The following SPMAP2 variants were observed in gnomAD, a reference collection of about 807,000 sequenced individuals.
The protein encoded by SPMAP2 is sperm microtubule associated protein 2.
chr19:368,733 T>A, the SPMAP2 span, among the ~76,000 whole-genome samples: 1 of 152,148 alleles, frequency 6.6e-6, no homozygotes, highest in Admixed American at 6.5e-5. The surrounding 1 kb of genome is among the most constrained non-coding windows in gnomAD (Gnocchi z 4.1). Flanking sequence ...CACAGACACA[T>A]CTCTCAGCAA....
chr19:362,157 A>G, the SPMAP2 span: 1 of 1,368,662 alleles, frequency 7.3e-7, no homozygotes, highest in Non-Finnish European at 9.6e-7. Context: ...AATCACATAC[A>G]CAGGGTTAGG....
At chr19:372,847 G>C in the SPMAP2 span, 1 of 731,036 alleles carries the variant, frequency 1.4e-6, no homozygotes, top group Non-Finnish European at 2.4e-6. Context: ...CTGGGGGCCA[G>C]ACACCCTGCA....
the SPMAP2 span, chr19:375,892 C>T: frequency 1.0e-4 from 155 of 1,536,254 alleles, no homozygotes; most frequent in Middle Eastern, 1.7e-4. Context: ...CGGGGGTCGC[C>T]GTCCTGCTCC....
At chr19:369,987 G>A in the SPMAP2 span, among the ~76,000 whole-genome samples, 1 of 152,190 alleles carries the variant, frequency 6.6e-6, no homozygotes, top group South Asian at 2.1e-4. Flanking sequence ...GGGCTCAGAG[G>A]CCTGACAACA....
At chr19:362,870 T>G in the SPMAP2 span, among the ~76,000 whole-genome samples, 1 of 146,846 alleles carries the variant, frequency 6.8e-6, no homozygotes, top group Non-Finnish European at 1.5e-5. Context: ...GGAATATGAC[T>G]CAGCCAAGAA....
chr19:362,059 G>T, the SPMAP2 span: 1 of 523,242 alleles, frequency 1.9e-6, no homozygotes, highest in Non-Finnish European at 3.2e-6. Context: ...GTCGCAGGTT[G>T]GATGCAAAAA....
the SPMAP2 span, among the ~76,000 whole-genome samples, chr19:363,989 C>A: frequency 6.8e-4 from 103 of 152,224 alleles, no homozygotes; most frequent in African/African-American, 2.4e-3. Context: ...GTCATATGCA[C>A]TGCCACATCG....
chr19:362,575 C>A, the SPMAP2 span: 3 of 554,188 alleles, frequency 5.4e-6, no homozygotes, highest in Non-Finnish European at 9.3e-6. Flanking sequence ...AGAGATCAGC[C>A]TGGCCAACAT....
chr19:367,152 C>A, the SPMAP2 span: 8 of 1,611,852 alleles, frequency 5.0e-6, no homozygotes, highest in Non-Finnish European at 6.8e-6. Flanking sequence ...GTGGCTGGGG[C>A]CTTCGGCTTT....
At chr19:368,917 T>A in the SPMAP2 span, among the ~76,000 whole-genome samples, 1 of 152,098 alleles carries the variant, frequency 6.6e-6, no homozygotes. The surrounding 1 kb of genome is among the most constrained non-coding windows in gnomAD (Gnocchi z 4.1). Flanking sequence ...GGAGCTCCAG[T>A]CCTGGAGGGG....
the SPMAP2 span, among the ~76,000 whole-genome samples, chr19:366,200 C>G: frequency 1.3e-5 from 2 of 152,008 alleles, no homozygotes; most frequent in Non-Finnish European, 2.9e-5. Flanking sequence ...CCGTCATTCT[C>G]TCACACACGC....
chr19:372,459 G>A, the SPMAP2 span, among the ~76,000 whole-genome samples: 15 of 152,316 alleles, frequency 9.8e-5, no homozygotes, highest in East Asian at 2.9e-3. Flanking sequence ...GATGTGGACT[G>A]GGAAGCAGCC....
At chr19:367,932 A>G in the SPMAP2 span, among the ~76,000 whole-genome samples, 1 of 152,162 alleles carries the variant, frequency 6.6e-6, no homozygotes, top group Non-Finnish European at 1.5e-5. Context: ...GCAAAACAGA[A>G]GTCATTTATG....
the SPMAP2 span, among the ~76,000 whole-genome samples, chr19:369,365 C>G: frequency 6.6e-6 from 1 of 150,520 alleles, no homozygotes; most frequent in Non-Finnish European, 1.5e-5. Flanking sequence ...TGCAAGACGG[C>G]GGCCAGGATG....
chr19:372,362 C>T, the SPMAP2 span, among the ~76,000 whole-genome samples: 3 of 152,362 alleles, frequency 2.0e-5, no homozygotes, highest in African/African-American at 7.2e-5. Context: ...CTGTGTCAGG[C>T]GCTGTGCAAA....
the SPMAP2 span, chr19:374,014 G>T: frequency 2.5e-6 from 4 of 1,613,018 alleles, no homozygotes; most frequent in African/African-American, 4.0e-5. Context: ...GTCCCTTCCT[G>T]CGAGGAGACA....
At chr19:362,114 GCCCT>G in the SPMAP2 span, 1 of 1,036,470 alleles carries the variant, frequency 9.6e-7, no homozygotes, top group Non-Finnish European at 1.3e-6. Flanking sequence ...CTTCTAGCCC[GCCCT>G]CCCTTCTCCA....
chr19:375,580 CA>C, the SPMAP2 span: 31 of 1,378,872 alleles, frequency 2.2e-5, no homozygotes, highest in African/African-American at 3.0e-5. Flanking sequence ...TTCGCCCGCC[CA>C]GGGGGCTGCT....
the SPMAP2 span, chr19:371,175 G>T: frequency 7.6e-7 from 1 of 1,313,344 alleles, no homozygotes; most frequent in Non-Finnish European, 1.0e-6. Flanking sequence ...GCCTGGCGGG[G>T]GTGAGTCGCG....
Sources: gnomAD v4.1 joint callset for allele counts (sites outside exome capture counted in the v4.1 genomes callset) on GRCh38, gnomAD v4.1.1 for gene constraint, Gnocchi (gnomAD v3.1) non-coding constraint, MANE v1.5 for transcripts, NCBI Gene and HGNC (gene_info 2026-07-23, HGNC 2026-07-21) for gene names.